The following PLXNA1 variants were observed in gnomAD, a reference collection of about 807,000 sequenced individuals.
The protein encoded by PLXNA1 is plexin A1, also known as plexin-A1.
Under a neutral mutation model 191.7 loss-of-function variants are expected in PLXNA1, and 77 were observed. The ratio of observed to expected loss-of-function variants is 0.40; its 90% CI spans 0.33 to 0.49. The LOEUF (loss-of-function observed/expected upper bound fraction) is 0.49, where lower values mean the gene tolerates loss of function less well. Among genes scored for constraint, PLXNA1 ranks in the 20% least tolerant of loss-of-function variants. The pLI is 0.63. For synonymous variants in PLXNA1, 1,137 were observed against 1,156.4 expected (o/e 0.98, Z 0.34); for missense variants, 2,110 against 2,660.2 (o/e 0.79, Z 4.55).
chr3:126,985,101 G>A (rs533837837), intron 1 of PLXNA1, among the ~76,000 whole-genome samples: 10 of 152,306 alleles, frequency 6.6e-5, no homozygotes, highest in Admixed American at 3.3e-4. Context: ...GCAGGATCTG[G>A]CGCAGGAGGA....
intron 3 of PLXNA1, among the ~76,000 whole-genome samples, chr3:126,992,376 G>A (rs780077527): frequency 1.3e-5 from 2 of 152,088 alleles, no homozygotes; most frequent in African/African-American, 2.4e-5. Context: ...ACCGGCACCA[G>A]AGGCTGGTGC....
Position 126,988,788 on chromosome 3 carries a change from G to C in PLXNA1, c.195G>C (p.Val65=). ...VVHEQTGEVY[V]GAVNRIYKLS... ...ATGAGCAGACAGGCGAGGTGTATGT[G>C]GGCGCAGTGAACCGCATCTATAAGC... is the stretch of plus-strand genomic sequence containing the variant. The change falls in exon 2 of 32, where the codon GTG becomes GTC. Residue 65 remains valine, a synonymous_variant. Transcript: ENST00000393409. 1 of 1,610,604 alleles carries C rather than the reference G, an allele frequency of 6.2e-7. No individual in the cohort carries two copies. The highest frequency in any genetic ancestry group is 8.5e-7 in the Non-Finnish European group (1 of 1,178,294).
intron 20 of PLXNA1, 93 bp from the exon 21 acceptor site, chr3:127,020,109 C>T: frequency 4.7e-6 from 7 of 1,489,092 alleles, no homozygotes; most frequent in East Asian, 2.3e-5. Context: ...AGTGTCAGAG[C>T]CAGGATTTGA....
intron 8 of PLXNA1, 65 bp from the exon 9 acceptor site, chr3:127,007,734 C>G (rs2079075640): frequency 1.0e-6 from 1 of 997,434 alleles, no homozygotes; most frequent in Middle Eastern, 2.5e-4. Context: ...CAGTGTCCTT[C>G]TGATCATGGG....
In PLXNA1 at chr3:127,034,167, G is replaced by C. The variant is rs561628277; in HGVS notation, c.*150G>C. On this transcript the variant is annotated 3_prime_UTR_variant, in exon 32 of 32. Transcript: ENST00000393409. ...CGGCCCTCCCTCCCCTGCCTCACCCGGTCGGGTCCCGGCTCTTCCTGTGTG... is the reference window on the plus strand; with the variant it reads ...CGGCCCTCCCTCCCCTGCCTCACCCCGTCGGGTCCCGGCTCTTCCTGTGTG... 1 of 669,350 alleles carries C rather than the reference G, an allele frequency of 1.5e-6. No individual in the cohort carries two copies. Among genetic ancestry groups the C allele is most frequent in the South Asian group, 2.0e-5 (1 of 49,276 alleles). 41.5% of individuals were successfully genotyped at this position (669,350 alleles called of 1,614,324 possible). A position where few individuals can be genotyped will look rare whatever the true frequency, so the allele number is the denominator to read the frequency against.
Position 127,014,344 on chromosome 3 carries a change from G to A in PLXNA1, c.2573G>A (p.Ser858Asn). Residue 858 changes from serine (S) to asparagine (N), a missense_variant, in exon 12 of 32, where the codon AGC (serine) becomes AAC (asparagine). Physicochemically the swap from Ser to Asn is conservative, Grantham distance 46. This residue lies in a region of PLXNA1 where 644 missense variants were observed against 714.3 expected (regional missense o/e 0.90). Coordinates refer to ENST00000393409, the MANE Select transcript of PLXNA1 (RefSeq NM_032242.4). ...PASWMHARHG[S>N]SRCTDPKILK... ...TCGTGGATGCACGCGCGTCACGGCA[G>A]CAGTCGCTGCACCGACCCCAAGATC... 1 of 1,594,670 alleles carries A rather than the reference G, an allele frequency of 6.3e-7. No homozygotes were observed. Among genetic ancestry groups the A allele is most frequent in the Non-Finnish European group, 8.5e-7 (1 of 1,176,670 alleles).
rs758626689 is a variant in PLXNA1, at chr3:127,028,363, G to GC, written c.4669+26dup. The GC allele has an allele frequency of 2.5e-6, 4 of 1,600,340 alleles. No homozygotes were observed. The African/African-American group carries it at 5.4e-5, about 21-fold the overall frequency. Reference sequence around the variant, plus strand: ...TGGGTGAGCGGGCGGGGCCACGGCTGCCCGGGGTGTGTGCTGGAGCAGAGG... The same window carrying GC: ...TGGGTGAGCGGGCGGGGCCACGGCTGCCCCGGGGTGTGTGCTGGAGCAGAGG... On this transcript the variant is annotated intron_variant, in intron 25 of 31. Coordinates refer to ENST00000393409, the MANE Select transcript of PLXNA1 (RefSeq NM_032242.4).
rs929779049 is a variant in PLXNA1, at chr3:127,029,888, A to T, written c.4885A>T (p.Thr1629Ser). The change falls in exon 28 of 32, where the codon ACG (threonine) becomes TCG (serine). Residue 1629 changes from threonine (T) to serine (S), a missense_variant. Thr to Ser is a moderately conservative substitution (Grantham distance 58, BLOSUM62 1). Around this residue, in one of 4 missense-constraint regions of PLXNA1, gnomAD observed 559 missense variants for 911.5 expected, o/e 0.61. Coordinates refer to ENST00000393409, the MANE Select transcript of PLXNA1 (RefSeq NM_032242.4). ...TGGTGCTGCAGAGAGCATGCTGCGC[A>T]CGGCCAGCAGCCCCGACAGCCTGCG... ...SLSRYESMLR[T>S]ASSPDSLRSR... The T allele has an allele frequency of 3.7e-6, 6 of 1,609,742 alleles. No homozygotes were observed. The Admixed American group carries it at 1.0e-4, about 27-fold the overall frequency.
chr3:127,024,556 G>A (rs555570496), intron 23 of PLXNA1, among the ~76,000 whole-genome samples: 68 of 152,266 alleles, frequency 4.5e-4, no homozygotes, highest in South Asian at 1.5e-3. Context: ...TACAAGGGGT[G>A]CGGGCTGTGT....
Position 127,034,190 on chromosome 3 carries a change from G to A in PLXNA1, c.*173G>A, listed in dbSNP as rs1000544956. On this transcript the variant is annotated 3_prime_UTR_variant, in exon 32 of 32. Coordinates refer to ENST00000393409, the MANE Select transcript of PLXNA1 (RefSeq NM_032242.4). ...CCGGTCGGGTCCCGGCTCTTCCTGT[G>A]TGGAGGTGATGGTACCTGCCACACC... 4 of 589,934 alleles carry A rather than the reference G, an allele frequency of 6.8e-6. No homozygotes were observed. Among genetic ancestry groups the A allele is most frequent in the Non-Finnish European group, 1.2e-5 (4 of 332,154 alleles). The allele number at this position is 589,934 out of a possible 1,614,324, so 36.5% of individuals were successfully genotyped here.
intron 2 of PLXNA1, 93 bp downstream of exon 2, chr3:126,989,880 G>GC (rs1184352343): frequency 1.1e-4 from 125 of 1,138,794 alleles, no homozygotes; most frequent in Non-Finnish European, 1.5e-4. Context: ...GGTGCCTGCT[G>GC]TGTGCCTGGC....
In PLXNA1 at chr3:127,016,383, G is replaced by A. The variant is rs73196560; in HGVS notation, c.3015-134G>A. On this transcript the variant is annotated intron_variant, in intron 15 of 31. Coordinates refer to ENST00000393409, the MANE Select transcript of PLXNA1 (RefSeq NM_032242.4). ...GCACAGCCCTGGGAGGGAAAGTAGC[G>A]GTGATAGTATGCAGCCACCCAAGGC... 5,841 of 740,214 alleles carry A rather than the reference G, an allele frequency of 7.9e-3. 34 individuals carry two copies. The highest frequency in any genetic ancestry group is 0.011 in the Non-Finnish European group (4,941 of 438,604). The allele number at this position is 740,214 out of a possible 1,614,324, so 45.9% of individuals were successfully genotyped here. A position where few individuals can be genotyped will look rare whatever the true frequency, so the allele number is the denominator to read the frequency against.
At position 127,017,934 on chromosome 3, in the gene PLXNA1, C is replaced by T. The variant is rs772098742; in HGVS notation, c.3660+42C>T. The T allele has an allele frequency of 3.1e-6, 5 of 1,604,976 alleles. No homozygotes were observed. In the Middle Eastern group the frequency reaches 6.7e-4, roughly 214 times the overall value. On this transcript the variant is annotated intron_variant, in intron 19 of 31. Coordinates refer to ENST00000393409, the MANE Select transcript of PLXNA1 (RefSeq NM_032242.4). ...GGGGTGCAGAGCTGGGAGAGCCATGCCCCACCTGTGGACCCTGCCCCACTA... is the reference window on the plus strand; with the variant it reads ...GGGGTGCAGAGCTGGGAGAGCCATGTCCCACCTGTGGACCCTGCCCCACTA...
At chr3:127,033,795 A>G (rs1020578911) in intron 31 of PLXNA1, 127 bp from the exon 32 acceptor site, 4 of 739,278 alleles carry the variant, frequency 5.4e-6, no homozygotes, top group Non-Finnish European at 9.0e-6. Context: ...GCTCACAACC[A>G]AGGTCCTTTG....
chr3:127,033,811 G>C, intron 31 of PLXNA1, 111 bp from the exon 32 acceptor site: 7 of 867,676 alleles, frequency 8.1e-6, no homozygotes, highest in Non-Finnish European at 1.1e-5. Flanking sequence ...CTTTGGCCAG[G>C]GGTAGATGGG....
At chr3:127,014,884 C>T in intron 14 of PLXNA1, 53 bp downstream of exon 14, 2 of 1,582,036 alleles carry the variant, frequency 1.3e-6, no homozygotes, top group East Asian at 2.3e-5. Context: ...TGAGAGGGTG[C>T]CGCTCAGGGC....
At chr3:127,006,923 G>T (rs1171060853) in intron 8 of PLXNA1, among the ~76,000 whole-genome samples, 2 of 152,240 alleles carry the variant, frequency 1.3e-5, no homozygotes, top group Non-Finnish European at 2.9e-5. Flanking sequence ...TGAGGCAGTA[G>T]GGTTTGGCCT....
rs549536217 is a variant in PLXNA1 at position 126,984,437 on chromosome 3, C to A, written c.-74+1150C>A. Among the ~76,000 whole-genome samples the A allele has an allele frequency of 4.6e-5, 7 of 152,328 alleles. No individual in the cohort carries two copies. In the East Asian group the frequency reaches 1.4e-3, roughly 29 times the overall value. ...GCAGGGATGGGGCGCAGTTTCTGCT[C>A]CCCGGGCCCTTGAGGAGCTTGCCTC... On this transcript the variant is annotated intron_variant, in intron 1 of 31. Coordinates refer to ENST00000393409, the MANE Select transcript of PLXNA1 (RefSeq NM_032242.4).
intron 15 of PLXNA1, 76 bp downstream of exon 15, chr3:127,015,396 G>T: frequency 1.3e-6 from 2 of 1,531,944 alleles, no homozygotes; most frequent in Middle Eastern, 2.1e-4. Context: ...CCTTCTTGTT[G>T]CCTGGGCAAC....
Sources: allele counts gnomAD v4.1 joint callset (sites outside exome capture counted in the v4.1 genomes callset), GRCh38; gene constraint gnomAD v4.1.1; regional missense constraint gnomAD v4.1.1; transcripts MANE v1.5; gene names NCBI Gene and HGNC (gene_info 2026-07-23, HGNC 2026-07-21).